The following PIK3C2B variants were observed in gnomAD, a reference collection of about 807,000 sequenced individuals.
PIK3C2B encodes phosphatidylinositol 4-phosphate 3-kinase C2 domain-containing subunit beta.
Under a neutral mutation model 184.3 loss-of-function variants are expected in PIK3C2B, and 83 were observed. The observed-to-expected ratio is 0.45, with a 90% CI of 0.38 to 0.54. PIK3C2B has a LOEUF of 0.54. PIK3C2B is among the 20% of genes least tolerant of loss of function. The pLI is 0.00. For synonymous variants in PIK3C2B, 779 were observed against 837.6 expected (o/e 0.93, Z 1.21); for missense variants, 1,736 against 2,113.5 (o/e 0.82, Z 3.50).
chr1:204,434,558 G>A lies in PIK3C2B; in HGVS notation c.3567C>T (p.Tyr1189=), dbSNP rs150291272. The change falls in exon 24 of 33, where the codon TAC becomes TAT. Residue 1189 remains tyrosine, a synonymous_variant. Coordinates refer to ENST00000684373, the MANE Select transcript of PIK3C2B (RefSeq NM_001377334.1). ...YSCAGCCVAT[Y]VLGICDRHND... ...TATGTCGGTCACAGATGCCCAAGAC[G>A]TACGTGGCCACGCAGCAGCCAGCGC... The A allele has an allele frequency of 5.2e-4, 837 of 1,614,000 alleles. No individual in the cohort carries two copies. The highest frequency in any genetic ancestry group is 6.7e-4 in the South Asian group (61 of 91,090).
At position 204,443,403 on chromosome 1, in the gene PIK3C2B, C is replaced by A; in HGVS notation, c.3048+14G>T. The A allele has an allele frequency of 6.2e-7, 1 of 1,610,252 alleles. No individual in the cohort carries two copies. The highest frequency in any genetic ancestry group is 8.5e-7 in the Non-Finnish European group (1 of 1,177,052). On this transcript the variant is annotated intron_variant, in intron 19 of 32. Transcript: ENST00000684373. ...TGGATGAGAAATGGGTAGGGGCAGC[C>A]TCACCCCACTAACCTGCCTTGCAGA...
At chr1:204,450,126 CA>C in intron 12 of PIK3C2B, 109 bp from the exon 13 acceptor site, 1 of 941,232 alleles carries the variant, frequency 1.1e-6, no homozygotes, top group Non-Finnish European at 1.6e-6. Flanking sequence ...GCCTCCCTCT[CA>C]GGGTTCAGAC....
chr1:204,445,601 C>CAAA (rs11287807), intron 16 of PIK3C2B, among the ~76,000 whole-genome samples: 4 of 121,576 alleles, frequency 3.3e-5, no homozygotes, highest in Non-Finnish European at 6.6e-5. Flanking sequence ...GACCCTGTCT[C>CAAA]AAAAAAAAAA....
chr1:204,469,143 C>T lies in PIK3C2B; in HGVS notation c.660G>A (p.Gly220=), dbSNP rs761053796. 3.1e-6 allele frequency: 5 copies of T among 1,614,192 alleles called. No individual in the cohort carries two copies. The highest frequency in any genetic ancestry group is 3.4e-6 in the Non-Finnish European group (4 of 1,180,012). ...EEEVLGGGGQ[G]RLLGSVDYDG... is the part of the protein sequence containing the mutation. ...CATAGTCCACAGACCCCAGTAGGCG[C>T]CCCTGACCCCCACCTCCCAGCACCT... The change falls in exon 2 of 33, where the codon GGG becomes GGA. Residue 220 remains glycine (G), a synonymous_variant. Coordinates refer to ENST00000684373, the MANE Select transcript of PIK3C2B (RefSeq NM_001377334.1).
Position 204,423,509 on chromosome 1 carries a change from G to C in PIK3C2B, c.*1343C>G, listed in dbSNP as rs898950387. On this transcript the variant is annotated 3_prime_UTR_variant, in exon 33 of 33. Transcript: ENST00000684373. ...AGAATATGAAGAGATAAGGGAGTCAGTCTCAGTCTCTCCCTTCGGGCTCCT... is the reference window on the plus strand; with the variant it reads ...AGAATATGAAGAGATAAGGGAGTCACTCTCAGTCTCTCCCTTCGGGCTCCT... The C allele has an allele frequency of 6.6e-6, 1 of 151,852 alleles. No individual in the cohort carries two copies. The highest frequency in any genetic ancestry group is 2.4e-5 in the African/African-American group (1 of 41,170). 9.4% of individuals were successfully genotyped at this position (151,852 alleles called of 1,614,324 possible). A position where few individuals can be genotyped will look rare whatever the true frequency, so the allele number is the denominator to read the frequency against.
chr1:204,494,264 TGGAG>T (rs1658220415), intron 1 of PIK3C2B, 88 bp downstream of exon 1: 1 of 152,382 alleles, frequency 6.6e-6, no homozygotes, highest in Non-Finnish European at 1.5e-5. Flanking sequence ...GTTGCCATGT[TGGAG>T]GGAGAGCCCC....
chr1:204,426,404 T>A (rs1674744817), intron 31 of PIK3C2B, among the ~76,000 whole-genome samples: 1 of 152,230 alleles, frequency 6.6e-6, no homozygotes, highest in Non-Finnish European at 1.5e-5. Flanking sequence ...CAGATCTAAC[T>A]GCTCCCTTTG....
chr1:204,433,511 C>T lies in PIK3C2B; in HGVS notation c.3844-86G>A. ...CTCTACCCTTAGGCAAGGTTTTCTACAGCTAGGCTCCCTAACCCTTCTAGA... is the reference window on the plus strand; with the variant it reads ...CTCTACCCTTAGGCAAGGTTTTCTATAGCTAGGCTCCCTAACCCTTCTAGA... On this transcript the variant is annotated intron_variant, in intron 25 of 32. Coordinates refer to ENST00000684373, the MANE Select transcript of PIK3C2B (RefSeq NM_001377334.1). The surrounding 1 kb of genome is among the most constrained non-coding windows in gnomAD (Gnocchi z 5.0). 1 of 892,176 alleles carries T rather than the reference C, an allele frequency of 1.1e-6. No homozygotes were observed. The highest frequency in any genetic ancestry group is 2.4e-5 in the East Asian group (1 of 40,900). The allele number at this position is 892,176 out of a possible 1,614,324, so 55.3% of individuals were successfully genotyped here.
At chr1:204,450,156 C>G (rs1300766737) in intron 12 of PIK3C2B, 139 bp from the exon 13 acceptor site, 1 of 682,688 alleles carries the variant, frequency 1.5e-6, no homozygotes, top group Non-Finnish European at 2.4e-6. Context: ...TGAGGAAGCC[C>G]TCCTCCTGCA....
At position 204,433,828 on chromosome 1, in the gene PIK3C2B, T is replaced by C. The variant is rs771630380; in HGVS notation, c.3808A>G (p.Lys1270Glu). 14 of 1,614,102 alleles carry C rather than the reference T, an allele frequency of 8.7e-6. No homozygotes were observed. Among genetic ancestry groups the C allele is most frequent in the Non-Finnish European group, 1.1e-5 (13 of 1,180,008 alleles). The change falls in exon 25 of 33, where the codon AAG becomes GAG. Residue 1270 changes from lysine to glutamate, a missense_variant. By Grantham distance (56) the Lys-to-Glu change is moderately conservative. Coordinates refer to ENST00000684373, the MANE Select transcript of PIK3C2B (RefSeq NM_001377334.1). This position sits in a 1 kb window ranked among gnomAD's most constrained non-coding sequence, Gnocchi z 5.0. ...LCCQAYNLIR[K>E]HTHLFLNLLG... ...AGGTTGAGGAAGAGGTGGGTGTGCTTGCGAATGAGGTTGTAGGCTTGGCAG... is the reference window on the plus strand; with the variant it reads ...AGGTTGAGGAAGAGGTGGGTGTGCTCGCGAATGAGGTTGTAGGCTTGGCAG...
chr1:204,463,981 G>A (rs949852499), intron 5 of PIK3C2B, 31 bp downstream of exon 5: 4 of 1,609,604 alleles, frequency 2.5e-6, no homozygotes, highest in African/African-American at 2.7e-5. Context: ...CTACCAGGAA[G>A]GCAGGGGCTA....
intron 12 of PIK3C2B, among the ~76,000 whole-genome samples, chr1:204,451,532 C>CA (rs1469027810): frequency 1.3e-5 from 2 of 152,190 alleles, no homozygotes; most frequent in Non-Finnish European, 2.9e-5. Flanking sequence ...CATTCAACAA[C>CA]CTCATATCAC....
chr1:204,481,877 G>C, intron 1 of PIK3C2B, among the ~76,000 whole-genome samples: 1 of 152,196 alleles, frequency 6.6e-6, no homozygotes, highest in South Asian at 2.1e-4. Context: ...AAAGGAAAGG[G>C]ACACCGGTTT....
intron 2 of PIK3C2B, among the ~76,000 whole-genome samples, chr1:204,468,271 G>C: frequency 6.6e-6 from 1 of 152,076 alleles, no homozygotes; most frequent in East Asian, 1.9e-4. Flanking sequence ...GAGAGAGAGA[G>C]AAAGGGAGAA....
At position 204,447,371 on chromosome 1, in the gene PIK3C2B, G is replaced by A. The variant is rs542317215; in HGVS notation, c.2489+65C>T. On this transcript the variant is annotated intron_variant, in intron 15 of 32. Transcript: ENST00000684373. The surrounding 1 kb of genome is among the most constrained non-coding windows in gnomAD (Gnocchi z 4.1). ...CCCACCTCCACTCCCAAAGCAGGAG[G>A]ACGGAGACTCAGTGCTGGGAGGTCA... 2.3e-4 allele frequency: 340 copies of A among 1,506,172 alleles called. 3 individuals carry two copies. Among genetic ancestry groups the A allele is most frequent in the African/African-American group, 1.6e-3 (114 of 73,192 alleles). 93.3% of individuals were successfully genotyped at this position (1,506,172 alleles called of 1,614,324 possible). A position where few individuals can be genotyped will look rare whatever the true frequency, so the allele number is the denominator to read the frequency against.
rs1328711485 is a variant in PIK3C2B, at chr1:204,460,370, A to C, written c.1456T>G (p.Tyr486Asp). ...GGCCTCTCTTGGAGATGGACGAGGTAGTTCAAGGTGGAGGGGCTCTGGTCA... is the reference window on the plus strand; with the variant it reads ...GGCCTCTCTTGGAGATGGACGAGGTCGTTCAAGGTGGAGGGGCTCTGGTCA... The part of the protein sequence containing the change: ...NDDQSPSTLN[Y>D]LVHLQERPVK... Residue 486 changes from tyrosine (Y) to aspartate (D), a missense_variant, in exon 7 of 33, where the codon TAC (tyrosine) becomes GAC (aspartate). This residue lies in a region of PIK3C2B where 609 missense variants were observed against 699.2 expected (regional missense o/e 0.87). Transcript: ENST00000684373. The C allele has an allele frequency of 6.2e-7, 1 of 1,613,934 alleles. No homozygotes were observed. Among genetic ancestry groups the C allele is most frequent in the Non-Finnish European group, 8.5e-7 (1 of 1,179,952 alleles).
chr1:204,451,003 C>T (rs985026867), intron 12 of PIK3C2B, among the ~76,000 whole-genome samples: 2 of 152,218 alleles, frequency 1.3e-5, no homozygotes, highest in Non-Finnish European at 2.9e-5. Context: ...CTGCCTCCAC[C>T]GCTGTCCTCC....
chr1:204,468,826 G>A, intron 2 of PIK3C2B, 44 bp downstream of exon 2: 4 of 1,486,214 alleles, frequency 2.7e-6, no homozygotes, highest in African/African-American at 1.4e-5. Flanking sequence ...GTTTCTGAAG[G>A]ACATGGAGAA....
intron 8 of PIK3C2B, 104 bp downstream of exon 8, chr1:204,459,774 G>C (rs1179932121): frequency 7.4e-6 from 7 of 945,428 alleles, no homozygotes; most frequent in Non-Finnish European, 1.0e-5. Flanking sequence ...AGATTTTCAG[G>C]CTCCACCCAG....
Sources: gnomAD v4.1 joint callset for allele counts (sites outside exome capture counted in the v4.1 genomes callset) on GRCh38, gnomAD v4.1.1 for gene constraint, gnomAD v4.1.1 regional missense constraint, Gnocchi (gnomAD v3.1) non-coding constraint, MANE v1.5 for transcripts, NCBI Gene and HGNC (gene_info 2026-07-23, HGNC 2026-07-21) for gene names.